Variants in ZBTB16 observed in about 807,000 individuals in gnomAD.
The protein encoded by ZBTB16 is zinc finger and BTB domain-containing protein 16.
In ZBTB16, 8 loss-of-function variants were observed where a neutral mutation model predicts 56.8. The ratio of observed to expected loss-of-function variants is 0.14; its 90% CI spans 0.08 to 0.25. The LOEUF is 0.25. Among genes scored for constraint, ZBTB16 ranks in the 10% least tolerant of loss-of-function variants. The probability of loss-of-function intolerance (pLI) is 1.00; values close to 1 mark genes in which losing one functional copy is unlikely to be tolerated. For synonymous variants in ZBTB16, 363 were observed against 368.5 expected, an observed-to-expected ratio of 0.98 and a Z score of 0.17; for missense variants, 625 against 903.0, an observed-to-expected ratio of 0.69 and a Z score of 3.95.
At chr11:114,114,852 T>A (rs917504302) in intron 2 of ZBTB16, among the ~76,000 whole-genome samples, 16 of 151,910 alleles carry the variant, frequency 1.1e-4, no homozygotes, top group African/African-American at 3.9e-4. Flanking sequence ...AGCTAATTTT[T>A]GTATATTTTT....
chr11:114,198,313 C>G (rs1943652274), intron 4 of ZBTB16, among the ~76,000 whole-genome samples: 1 of 152,204 alleles, frequency 6.6e-6, no homozygotes, highest in Non-Finnish European at 1.5e-5. Context: ...TTTGTACAGT[C>G]AGTGCCCCAG....
intron 3 of ZBTB16, among the ~76,000 whole-genome samples, chr11:114,175,057 T>C (rs753250164): frequency 2.0e-5 from 3 of 152,244 alleles, no homozygotes; most frequent in Non-Finnish European, 4.4e-5. Flanking sequence ...TTTCTTCACC[T>C]GTTAAAGAGA....
chr11:114,062,460 T>C (rs1271036945), intron 1 of ZBTB16, among the ~76,000 whole-genome samples: 1 of 152,214 alleles, frequency 6.6e-6, no homozygotes, highest in Non-Finnish European at 1.5e-5. Flanking sequence ...TCAGATTTTA[T>C]ATTATACATA....
At position 114,253,184 on chromosome 11, in the gene ZBTB16, T is replaced by C. The variant is rs1305489164; in HGVS notation, c.*2629T>C. The stretch of plus-strand genomic sequence containing the variant: ...TTAACAGCAAGATGTCATTCAACAT[T>C]GGTGGGGAAGGAAGAGAAAAAAATC... On this transcript the variant is annotated 3_prime_UTR_variant, in exon 7 of 7. Coordinates refer to ENST00000335953, the MANE Select transcript of ZBTB16 (RefSeq NM_006006.6). 1.3e-5 allele frequency among the ~76,000 whole-genome samples: 2 copies of C among 152,150 alleles called. No individual in the cohort carries two copies. Among genetic ancestry groups the C allele is most frequent in the East Asian group, 3.9e-4 (2 of 5,158 alleles).
chr11:114,088,140 C>CTTTTTTTT (rs10695166), intron 2 of ZBTB16, among the ~76,000 whole-genome samples: 5 of 123,054 alleles, frequency 4.1e-5, no homozygotes, highest in South Asian at 2.7e-4. Flanking sequence ...CCAGATACTT[C>CTTTTTTTT]TTTTTTTTTT....
At chr11:114,175,970 G>C (rs1418682971) in intron 3 of ZBTB16, among the ~76,000 whole-genome samples, 2 of 139,132 alleles carry the variant, frequency 1.4e-5, no homozygotes, top group Non-Finnish European at 1.6e-5. Flanking sequence ...TCCTACTCAG[G>C]GGAGAGGGGT....
chr11:114,141,272 T>C (rs1193180328), intron 2 of ZBTB16, among the ~76,000 whole-genome samples: 1 of 152,198 alleles, frequency 6.6e-6, no homozygotes, highest in Non-Finnish European at 1.5e-5. Flanking sequence ...CTTCGGAGCT[T>C]CCAGAGCCCC....
intron 4 of ZBTB16, among the ~76,000 whole-genome samples, chr11:114,207,620 C>T (rs1370436760): frequency 6.6e-6 from 1 of 151,208 alleles, no homozygotes; most frequent in African/African-American, 2.5e-5. Context: ...CACACACACA[C>T]ACACACATAT....
intron 2 of ZBTB16, among the ~76,000 whole-genome samples, chr11:114,076,757 C>T (rs1183407462): frequency 1.3e-5 from 2 of 151,972 alleles, no homozygotes; most frequent in Non-Finnish European, 2.9e-5. Context: ...CCAGACTGGA[C>T]TTGTCAGGGA....
In ZBTB16 at chr11:114,233,075, G is replaced by GCA. The variant is rs1180194687; in HGVS notation, c.1454-9091_1454-9090insAC. Among the ~76,000 whole-genome samples, 25 of 35,724 alleles carry GCA rather than the reference G, an allele frequency of 7.0e-4. 1 individual carries two copies. Among genetic ancestry groups the GCA allele is most frequent in the Admixed American group, 3.1e-3 (9 of 2,870 alleles). The allele number at this position is 35,724 out of a possible 152,430, so 23.4% of individuals were successfully genotyped here. On this transcript the variant is annotated intron_variant, in intron 4 of 6. Transcript: ENST00000335953. ...CTACTGCACATACGCATGCGCGCGC[G>GCA]CGCGCGCACACACACACACACACAC... is the stretch of plus-strand genomic sequence containing the variant.
intron 4 of ZBTB16, among the ~76,000 whole-genome samples, chr11:114,223,220 C>T (rs1944269017): frequency 1.3e-5 from 2 of 152,174 alleles, no homozygotes; most frequent in Non-Finnish European, 2.9e-5. Flanking sequence ...CACTGAGTAC[C>T]ACATGAATGA....
At chr11:114,129,502 G>A (rs1055889116) in intron 2 of ZBTB16, among the ~76,000 whole-genome samples, 2 of 152,212 alleles carry the variant, frequency 1.3e-5, no homozygotes, top group South Asian at 2.1e-4. Flanking sequence ...CCCAGCACGC[G>A]CCCCTTGGCC....
At chr11:114,182,783 G>A (rs1335829197) in intron 3 of ZBTB16, among the ~76,000 whole-genome samples, 1 of 152,222 alleles carries the variant, frequency 6.6e-6, no homozygotes, top group Non-Finnish European at 1.5e-5. Flanking sequence ...GAATAGCCAT[G>A]TGGTTTATAC....
intron 2 of ZBTB16, among the ~76,000 whole-genome samples, chr11:114,151,519 T>C (rs1412414747): frequency 5.3e-5 from 8 of 152,228 alleles, no homozygotes; most frequent in African/African-American, 1.9e-4. Context: ...CCCATGCTGG[T>C]CTTTCCAGCA....
intron 3 of ZBTB16, among the ~76,000 whole-genome samples, chr11:114,169,512 G>A (rs4141119): frequency 5.3e-5 from 8 of 152,306 alleles, no homozygotes; most frequent in African/African-American, 1.7e-4. Flanking sequence ...TGGGTCACAC[G>A]TGTGGCCCTC....
intron 4 of ZBTB16, among the ~76,000 whole-genome samples, chr11:114,203,059 C>T (rs1182355612): frequency 1.3e-5 from 2 of 152,142 alleles, no homozygotes; most frequent in Non-Finnish European, 2.9e-5. Flanking sequence ...TACCCAATTG[C>T]CTATCAGCTG....
chr11:114,157,604 C>T (rs557790429), intron 3 of ZBTB16, among the ~76,000 whole-genome samples: 1 of 152,288 alleles, frequency 6.6e-6, no homozygotes, highest in East Asian at 1.9e-4. Flanking sequence ...CCCCTGAGCC[C>T]ATCATGGGTA....
At chr11:114,080,957 AG>A (rs2137696425) in intron 2 of ZBTB16, among the ~76,000 whole-genome samples, 1 of 152,264 alleles carries the variant, frequency 6.6e-6, no homozygotes, top group South Asian at 2.1e-4. Context: ...TCAGAGCTGA[AG>A]GGCCCTTGGA....
intron 4 of ZBTB16, among the ~76,000 whole-genome samples, chr11:114,201,853 T>C (rs184056410): frequency 6.6e-6 from 1 of 152,354 alleles, no homozygotes; most frequent in African/African-American, 2.4e-5. Flanking sequence ...AATGATGATT[T>C]ACAAGCACAT....
Sources: gnomAD v4.1 joint callset for allele counts (sites outside exome capture counted in the v4.1 genomes callset) on GRCh38, gnomAD v4.1.1 for gene constraint, MANE v1.5 for transcripts, NCBI Gene and HGNC (gene_info 2026-07-23, HGNC 2026-07-21) for gene names.